EDC3: variants seen among roughly 807,000 people sequenced by gnomAD.
EDC3 encodes the protein enhancer of mRNA decapping 3.
Under a neutral mutation model 41.8 loss-of-function variants are expected in EDC3, and 20 were observed. The ratio of observed to expected loss-of-function variants is 0.48; its 90% CI spans 0.34 to 0.70. EDC3 has a LOEUF of 0.70. Ranked by LOEUF, EDC3 falls within the 30% of genes least tolerant of loss-of-function variation. The probability of loss-of-function intolerance (pLI) is 0.01; values close to 1 mark genes in which losing one functional copy is unlikely to be tolerated. For missense variants in EDC3, 444 were observed against 636.8 expected, an observed-to-expected ratio of 0.70 and a Z score of 3.26; for synonymous variants, 206 against 243.2, an observed-to-expected ratio of 0.85 and a Z score of 1.42.
intron 1 of EDC3, among the ~76,000 whole-genome samples, 154 bp from the exon 2 acceptor site, chr15:74,675,296 ATT>A (rs1567176357): frequency 6.6e-6 from 1 of 151,920 alleles, no homozygotes; most frequent in Admixed American, 6.6e-5. Flanking sequence ...AAAAATTAAA[ATT>A]TTTTTTCAGG....
chr15:74,647,800 T>C (rs779565262), intron 4 of EDC3, among the ~76,000 whole-genome samples: 12 of 152,166 alleles, frequency 7.9e-5, no homozygotes, highest in Admixed American at 2.6e-4. Context: ...GACACAAATT[T>C]AGAAACTAGG....
At chr15:74,690,514 C>A (rs1338068255) in intron 1 of EDC3, among the ~76,000 whole-genome samples, 1 of 152,166 alleles carries the variant, frequency 6.6e-6, no homozygotes, top group Non-Finnish European at 1.5e-5. Context: ...AATAAACAAC[C>A]CTTGGCCTGC....
intron 1 of EDC3, among the ~76,000 whole-genome samples, chr15:74,690,912 C>T (rs976808797): frequency 3.9e-5 from 6 of 152,194 alleles, no homozygotes; most frequent in Admixed American, 1.3e-4. Flanking sequence ...GGTGTGGTGG[C>T]TCACGCCTCA....
chr15:74,673,429 G>A (rs529125410), intron 2 of EDC3, among the ~76,000 whole-genome samples: 1 of 152,234 alleles, frequency 6.6e-6, no homozygotes, highest in African/African-American at 2.4e-5. Flanking sequence ...AAATCTACAG[G>A]AAAACATAAC....
chr15:74,694,152 A>T (rs1470486505), intron 1 of EDC3, among the ~76,000 whole-genome samples: 1 of 152,166 alleles, frequency 6.6e-6, no homozygotes, highest in African/African-American at 2.4e-5. Flanking sequence ...AAGAAAAATG[A>T]TACATCTTCC....
chr15:74,655,838 C>T lies in EDC3; in HGVS notation c.715G>A (p.Glu239Lys). The T allele has an allele frequency of 6.2e-7, 1 of 1,614,150 alleles. No homozygotes were observed. Among genetic ancestry groups the T allele is most frequent in the South Asian group, 1.1e-5 (1 of 91,080 alleles). ...SGTRSRGIPN[E>K]RPTRYRHDEN... ...TCATGGCGGTACCGAGTGGGCCTTTCATTTGGGATGCCCCGGGAACGGGTA... is the reference window on the plus strand; with the variant it reads ...TCATGGCGGTACCGAGTGGGCCTTTTATTTGGGATGCCCCGGGAACGGGTA... Residue 239 changes from glutamate (E) to lysine (K), a missense_variant, in exon 4 of 7, where the codon GAA (glutamate) becomes AAA (lysine). By Grantham distance (56) the Glu-to-Lys change is moderately conservative (BLOSUM62 1). Transcript: ENST00000315127.
intron 2 of EDC3, among the ~76,000 whole-genome samples, chr15:74,673,632 C>T (rs935823044): frequency 2.6e-5 from 4 of 151,998 alleles, no homozygotes; most frequent in Non-Finnish European, 4.4e-5. Context: ...GTCAGGAGAT[C>T]GAGACCATCC....
At chr15:74,633,955 A>C (rs1196762092) in intron 6 of EDC3, among the ~76,000 whole-genome samples, 1 of 152,158 alleles carries the variant, frequency 6.6e-6, no homozygotes, top group East Asian at 1.9e-4. Flanking sequence ...CTGTGTGCCC[A>C]CAGGAGCCTG....
At chr15:74,652,230 CCT>C (rs1491423985) in intron 4 of EDC3, among the ~76,000 whole-genome samples, 1 of 150,848 alleles carries the variant, frequency 6.6e-6, no homozygotes. Context: ...TTATATTTTT[CCT>C]TTTTTTTTTT....
chr15:74,689,563 C>A (rs887997982), intron 1 of EDC3, among the ~76,000 whole-genome samples: 1 of 151,432 alleles, frequency 6.6e-6, no homozygotes, highest in African/African-American at 2.4e-5. Context: ...CTCGCTCTTT[C>A]GCCCAGGCCG....
chr15:74,647,736 G>A (rs1376658223), intron 4 of EDC3, among the ~76,000 whole-genome samples: 1 of 152,212 alleles, frequency 6.6e-6, no homozygotes, highest in Non-Finnish European at 1.5e-5. Flanking sequence ...ATCTGCTAGA[G>A]CCTGAGGTTC....
At chr15:74,677,509 A>C (rs772741849) in intron 1 of EDC3, among the ~76,000 whole-genome samples, 1 of 151,820 alleles carries the variant, frequency 6.6e-6, no homozygotes, top group Non-Finnish European at 1.5e-5. Flanking sequence ...GACTACAGAC[A>C]CGTGCCACCA....
chr15:74,683,088 C>T (rs1364373692), intron 1 of EDC3, among the ~76,000 whole-genome samples: 2 of 152,190 alleles, frequency 1.3e-5, no homozygotes, highest in Non-Finnish European at 2.9e-5. Flanking sequence ...AAAAAAGCCA[C>T]AAACTGGAAA....
intron 4 of EDC3, among the ~76,000 whole-genome samples, chr15:74,654,331 G>A (rs1011586446): frequency 2.0e-5 from 3 of 151,960 alleles, no homozygotes; most frequent in African/African-American, 7.3e-5. Context: ...AGCCTCAGCA[G>A]CAGCACTTGG....
chr15:74,692,361 T>C (rs907361488), intron 1 of EDC3, among the ~76,000 whole-genome samples: 1 of 152,132 alleles, frequency 6.6e-6, no homozygotes, highest in African/African-American at 2.4e-5. Context: ...TATTAAGAAA[T>C]TGAATTAGTA....
chr15:74,671,513 G>C lies in EDC3; in HGVS notation c.426C>G (p.Val142=). The change falls in exon 3 of 7, where the codon GTC becomes GTG. Residue 142 remains valine, a synonymous_variant. Transcript: ENST00000315127. The surrounding 1 kb of genome is among the most constrained non-coding windows in gnomAD (Gnocchi z 4.6). The part of the protein sequence containing the change: ...PQQQQCSKSY[V]DRHMESLSQS... ...GACTCAAGGATTCCATGTGCCTGTC[G>C]ACATAGCTCTTTGAGCACTGTTGCT... The C allele has an allele frequency of 6.2e-7, 1 of 1,614,104 alleles. No individual in the cohort carries two copies.
chr15:74,673,873 T>G (rs1330420909), intron 2 of EDC3, among the ~76,000 whole-genome samples: 1 of 149,328 alleles, frequency 6.7e-6, no homozygotes, highest in Non-Finnish European at 1.5e-5. Context: ...GAGGTCTCAT[T>G]AACATATAGA....
At chr15:74,678,371 T>A (rs1317769115) in intron 1 of EDC3, among the ~76,000 whole-genome samples, 1 of 152,066 alleles carries the variant, frequency 6.6e-6, no homozygotes, top group Non-Finnish European at 1.5e-5. Context: ...TTCGGCTCAA[T>A]TTTTCCCTGA....
At chr15:74,645,440 AT>A (rs1320453069) in intron 4 of EDC3, 1 of 151,830 alleles carries the variant, frequency 6.6e-6, no homozygotes, top group Non-Finnish European at 1.5e-5. Context: ...GCTCGTATGT[AT>A]TTTACATAAA....
Sources: allele counts gnomAD v4.1 joint callset (sites outside exome capture counted in the v4.1 genomes callset), GRCh38; gene constraint gnomAD v4.1.1; non-coding constraint Gnocchi (gnomAD v3.1); transcripts MANE v1.5; gene names NCBI Gene and HGNC (gene_info 2026-07-23, HGNC 2026-07-21).